HECTD4: variants seen among roughly 807,000 people sequenced by gnomAD.
HECTD4 encodes the protein probable E3 ubiquitin-protein ligase HECTD4.
In HECTD4, 114 loss-of-function variants were observed where a neutral mutation model predicts 471.5. The ratio of observed to expected loss-of-function variants is 0.24; its 90% CI spans 0.21 to 0.28. The LOEUF (loss-of-function observed/expected upper bound fraction) is 0.28, where lower values mean the gene tolerates loss of function less well. HECTD4 is among the 10% of genes least tolerant of loss of function. The pLI is 1.00. For missense variants in HECTD4, 3,866 were observed against 5,651.5 expected (o/e 0.68, Z 10.13); for synonymous variants, 2,012 against 2,256.0 (o/e 0.89, Z 3.07).
At position 112,228,913 on chromosome 12, in the gene HECTD4, C is replaced by T. The variant is rs577560152; in HGVS notation, c.6520-102G>A. 4.4e-6 allele frequency: 5 copies of T among 1,146,094 alleles called. No homozygotes were observed. The highest frequency in any genetic ancestry group is 5.1e-6 in the Non-Finnish European group (4 of 781,612). 71.0% of individuals were successfully genotyped at this position (1,146,094 alleles called of 1,614,324 possible). A position where few individuals can be genotyped will look rare whatever the true frequency, so the allele number is the denominator to read the frequency against. On this transcript the variant is annotated intron_variant, in intron 41 of 75. Transcript: ENST00000682272. The surrounding 1 kb of genome is among the most constrained non-coding windows in gnomAD (Gnocchi z 4.9). ...GTAAATTTATAGTTGTCATTGTTGG[C>T]GTTACAGTAATAGTTTATACTACTA...
chr12:112,169,942 A>T (rs914313897), intron 69 of HECTD4: 2 of 564,562 alleles, frequency 3.5e-6, no homozygotes, highest in East Asian at 3.0e-5. Context: ...TCGCCCCCCA[A>T]CTCCTCTCTC....
chr12:112,179,441 C>T lies in HECTD4; in HGVS notation c.10988-44G>A, dbSNP rs751640687. 8 of 1,506,248 alleles carry T rather than the reference C, an allele frequency of 5.3e-6. No homozygotes were observed. In the East Asian group the frequency reaches 1.4e-4, roughly 26 times the overall value. The allele number at this position is 1,506,248 out of a possible 1,614,324, so 93.3% of individuals were successfully genotyped here. ...GCAAAACAATTCTGCCGTGAACATG[C>T]ATCGGGACAAGCCCTGCGAGCATTC... On this transcript the variant is annotated intron_variant, in intron 62 of 75. Coordinates refer to ENST00000682272, the MANE Select transcript of HECTD4 (RefSeq NM_001388303.1). The surrounding 1 kb of genome is among the most constrained non-coding windows in gnomAD (Gnocchi z 4.3).
chr12:112,288,608 C>T (rs747306194), intron 7 of HECTD4, among the ~76,000 whole-genome samples: 28 of 151,996 alleles, frequency 1.8e-4, no homozygotes, highest in Non-Finnish European at 3.4e-4. Flanking sequence ...CAGCCTGGGC[C>T]ATAGAGCAAC....
At position 112,194,460 on chromosome 12, in the gene HECTD4, G is replaced by C. The variant is rs1007173646; in HGVS notation, c.8749+425C>G. Among the ~76,000 whole-genome samples the C allele has an allele frequency of 6.6e-6, 1 of 152,208 alleles. No homozygotes were observed. The highest frequency in any genetic ancestry group is 6.5e-5 in the Admixed American group (1 of 15,288). On this transcript the variant is annotated intron_variant, in intron 56 of 75. Coordinates refer to ENST00000682272, the MANE Select transcript of HECTD4 (RefSeq NM_001388303.1). This position sits in a 1 kb window ranked among gnomAD's most constrained non-coding sequence, Gnocchi z 4.6. ...ACTGGGGATCAGACACAGCCCTCAT[G>C]CCAAGGGCACACAGGCTGGCCTTTG... is the stretch of plus-strand genomic sequence containing the variant.
chr12:112,255,264 A>G (rs1046790109), intron 21 of HECTD4, among the ~76,000 whole-genome samples: 10 of 152,220 alleles, frequency 6.6e-5, no homozygotes, highest in Non-Finnish European at 1.0e-4. Flanking sequence ...GGGGGTAGCC[A>G]ATGCCAGGAG....
chr12:112,228,274 G>A lies in HECTD4; in HGVS notation c.6685-16C>T. ...GAGGCAATGCCTGATGGCGGTGGGGGGGCATGGCAAAAAGTTAAATTCAAG... is the reference window on the plus strand; with the variant it reads ...GAGGCAATGCCTGATGGCGGTGGGGAGGCATGGCAAAAAGTTAAATTCAAG... On this transcript the variant is annotated splice_polypyrimidine_tract_variant and intron_variant, in intron 42 of 75. Transcript: ENST00000682272. The surrounding 1 kb of genome is among the most constrained non-coding windows in gnomAD (Gnocchi z 4.9). 6.4e-7 allele frequency: 1 copy of A among 1,550,432 alleles called. No individual in the cohort carries two copies.
In HECTD4 at chr12:112,162,655, G is replaced by C; in HGVS notation, c.13121-132C>G. ...AGCCAATCCTGGGGCCCAGCAGGAG[G>C]GGGATGAGGGCCTGGGAACCTGCGA... On this transcript the variant is annotated intron_variant, in intron 75 of 75. Transcript: ENST00000682272. The surrounding 1 kb of genome is among the most constrained non-coding windows in gnomAD (Gnocchi z 5.2). 9.6e-7 allele frequency: 1 copy of C among 1,046,750 alleles called. No individual in the cohort carries two copies. Among genetic ancestry groups the C allele is most frequent in the Non-Finnish European group, 1.4e-6 (1 of 716,774 alleles). 64.8% of individuals were successfully genotyped at this position (1,046,750 alleles called of 1,614,324 possible).
At chr12:112,364,331 T>G (rs1177440437) in intron 1 of HECTD4, among the ~76,000 whole-genome samples, 1 of 150,706 alleles carries the variant, frequency 6.6e-6, no homozygotes, top group Admixed American at 6.6e-5. Flanking sequence ...CACTTGAACC[T>G]GGGAGGCGGA....
At chr12:112,165,392 C>T (rs1217814738) in intron 72 of HECTD4, among the ~76,000 whole-genome samples, 1 of 145,776 alleles carries the variant, frequency 6.9e-6, no homozygotes, top group Admixed American at 6.8e-5. Context: ...TGCTCTGTCG[C>T]CCAGGCTGGA....
chr12:112,214,867 C>G (rs972267248), intron 48 of HECTD4, among the ~76,000 whole-genome samples: 2 of 152,012 alleles, frequency 1.3e-5, no homozygotes, highest in Admixed American at 1.3e-4. Flanking sequence ...CACTATGCTG[C>G]CAGGGGCCGG....
intron 16 of HECTD4, among the ~76,000 whole-genome samples, chr12:112,264,661 A>G (rs886256029): frequency 6.6e-6 from 1 of 152,248 alleles, no homozygotes; most frequent in Non-Finnish European, 1.5e-5. Flanking sequence ...AATTTATTGC[A>G]TCAAGCAATT....
At chr12:112,285,058 G>A (rs2034722269) in intron 7 of HECTD4, among the ~76,000 whole-genome samples, 2 of 152,040 alleles carry the variant, frequency 1.3e-5, no homozygotes, top group African/African-American at 4.8e-5. Context: ...GGCTGGTCCT[G>A]AACTCCTAGG....
chr12:112,168,496 T>C (rs1047476889), intron 70 of HECTD4, among the ~76,000 whole-genome samples: 6 of 152,226 alleles, frequency 3.9e-5, no homozygotes, highest in Non-Finnish European at 7.3e-5. Context: ...TCCTCTGGCC[T>C]TCCCTGTGTT....
At chr12:112,180,578 A>G (rs2031632616) in intron 62 of HECTD4, among the ~76,000 whole-genome samples, 1 of 151,984 alleles carries the variant, frequency 6.6e-6, no homozygotes, top group South Asian at 2.1e-4. Flanking sequence ...CAACCCTCAC[A>G]TGAGGAGTGT....
At chr12:112,271,020 C>T (rs2034401895) in intron 11 of HECTD4, among the ~76,000 whole-genome samples, 1 of 152,106 alleles carries the variant, frequency 6.6e-6, no homozygotes, top group Admixed American at 6.5e-5. Flanking sequence ...GGAGTTCAGG[C>T]AAGAGGCTTG....
intron 68 of HECTD4, 139 bp from the exon 69 acceptor site, chr12:112,170,591 G>T: frequency 1.8e-6 from 2 of 1,109,736 alleles, no homozygotes; most frequent in Non-Finnish European, 1.3e-6. Context: ...GACTGTGGAG[G>T]GTGGTGTGTC....
At chr12:112,215,651 G>GT (rs1038166671) in intron 48 of HECTD4, among the ~76,000 whole-genome samples, 9 of 152,038 alleles carry the variant, frequency 5.9e-5, no homozygotes, top group South Asian at 2.1e-4. Flanking sequence ...CTCTCTCTCT[G>GT]TTTTTTGAGA....
chr12:112,162,242 G>T lies in HECTD4; in HGVS notation c.*145C>A. ...GACAAAAGGTTAAGTCTTCCAGGAG[G>T]CCCTGGAATGTGGACGAAAGTTTGG... On this transcript the variant is annotated 3_prime_UTR_variant, in exon 76 of 76. Coordinates refer to ENST00000682272, the MANE Select transcript of HECTD4 (RefSeq NM_001388303.1). This position sits in a 1 kb window ranked among gnomAD's most constrained non-coding sequence, Gnocchi z 5.2. 2 of 804,134 alleles carry T rather than the reference G, an allele frequency of 2.5e-6. No homozygotes were observed. Among genetic ancestry groups the T allele is most frequent in the Non-Finnish European group, 4.0e-6 (2 of 496,206 alleles). 49.8% of individuals were successfully genotyped at this position (804,134 alleles called of 1,614,324 possible). A position where few individuals can be genotyped will look rare whatever the true frequency, so the allele number is the denominator to read the frequency against.
rs528782646 is a variant in HECTD4 at position 112,273,412 on chromosome 12, A to G, written c.1942+243T>C. ...CAACAATTTCAGGAAGGACATAACA[A>G]TTTTCCTTTAAAAAAGTCTATGGAC... On this transcript the variant is annotated intron_variant, in intron 11 of 75. Coordinates refer to ENST00000682272, the MANE Select transcript of HECTD4 (RefSeq NM_001388303.1). Among the ~76,000 whole-genome samples, 3 of 152,208 alleles carry G rather than the reference A, an allele frequency of 2.0e-5. No individual in the cohort carries two copies. The East Asian group carries it at 5.8e-4, about 29-fold the overall frequency.
Sources: allele counts gnomAD v4.1 joint callset (sites outside exome capture counted in the v4.1 genomes callset), GRCh38; gene constraint gnomAD v4.1.1; non-coding constraint Gnocchi (gnomAD v3.1); transcripts MANE v1.5; gene names NCBI Gene and HGNC (gene_info 2026-07-23, HGNC 2026-07-21).